TTC34: variants seen among roughly 807,000 people sequenced by gnomAD.
TTC34 encodes tetratricopeptide repeat domain 34.
A neutral mutation model predicts 40.7 loss-of-function variants in TTC34; 44 were observed. The observed-to-expected ratio is 1.08, with a 90% CI of 0.85 to 1.39. The LOEUF (loss-of-function observed/expected upper bound fraction) is 1.39. Ranked by LOEUF, TTC34 falls within the 40% of genes most tolerant of loss-of-function variation. TTC34 has a pLI of 0.00. For synonymous variants in TTC34, 422 were observed against 398.6 expected, an observed-to-expected ratio of 1.06 and a Z score of -0.70; for missense variants, 884 against 838.0, an observed-to-expected ratio of 1.05 and a Z score of -0.68.
chr1:2,699,460 G>T (rs1641026381), intron 6 of TTC34, among the ~76,000 whole-genome samples: 1 of 116,328 alleles, frequency 8.6e-6, no homozygotes, highest in Non-Finnish European at 2.0e-5. Flanking sequence ...GCACCCACAG[G>T]CGAGCATCTG....
rs1254147359 is a variant in TTC34, at chr1:2,789,536, G to C, written c.1595C>G (p.Ala532Gly). 7.3e-6 allele frequency: 11 copies of C among 1,501,200 alleles called. No homozygotes were observed. The African/African-American group carries it at 8.6e-5, about 12-fold the overall frequency. 93.0% of individuals were successfully genotyped at this position (1,501,200 alleles called of 1,614,324 possible). Residue 532 changes from alanine (A) to glycine (G), a missense_variant, in exon 3 of 9, where the codon GCC becomes GGC. By Grantham distance (60) the Ala-to-Gly change is moderately conservative. Transcript: ENST00000401095. ...CGTGGTGGGGCCGCCCGTCTCTGCG[G>C]CCTCCCTCCGGCCCTGCGCTCTGGA... is the stretch of plus-strand genomic sequence containing the variant.
At chr1:2,769,609 C>G (rs1206661878) in intron 6 of TTC34, among the ~76,000 whole-genome samples, 23 of 129,268 alleles carry the variant, frequency 1.8e-4, no homozygotes, top group African/African-American at 6.5e-4. Context: ...GAGCATCTGA[C>G]AGCCTGGAAC....
intron 6 of TTC34, among the ~76,000 whole-genome samples, chr1:2,649,352 G>A (rs912576137): frequency 2.6e-5 from 4 of 151,800 alleles, no homozygotes; most frequent in Non-Finnish European, 4.4e-5. Context: ...GCCTAGAACG[G>A]CACCCCCCAG....
Position 2,796,446 on chromosome 1 carries a change from AC to A in TTC34, c.784+3597del, listed in dbSNP as rs1261591704. On this transcript the variant is annotated intron_variant, in intron 2 of 8. Transcript: ENST00000401095. The surrounding 1 kb of genome is among the most constrained non-coding windows in gnomAD (Gnocchi z 4.5). ...GAAGTGACTTGGGTCTAATGGATGC[AC>A]AATTCTTAGGGCAGGTGTTCCCTGT... Among the ~76,000 whole-genome samples the A allele has an allele frequency of 6.6e-6, 1 of 152,162 alleles. No individual in the cohort carries two copies. Among genetic ancestry groups the A allele is most frequent in the African/African-American group, 2.4e-5 (1 of 41,432 alleles).
intron 6 of TTC34, among the ~76,000 whole-genome samples, chr1:2,684,294 C>T (rs1473318587): frequency 6.9e-6 from 1 of 145,374 alleles, no homozygotes; most frequent in Non-Finnish European, 1.5e-5. Flanking sequence ...AAGCATATGA[C>T]AGCCTGGGTC....
chr1:2,772,912 T>G (rs1264850688), intron 6 of TTC34, among the ~76,000 whole-genome samples: 1 of 64,846 alleles, frequency 1.5e-5, no homozygotes. Flanking sequence ...AGGTGAGCAT[T>G]CGACAGCCTG....
At chr1:2,750,425 G>C (rs1184188392) in intron 6 of TTC34, among the ~76,000 whole-genome samples, 1 of 98,850 alleles carries the variant, frequency 1.0e-5, no homozygotes, top group African/African-American at 4.7e-5. Context: ...GCACGTGACA[G>C]CCTGTAACAG....
chr1:2,787,415 G>T, intron 4 of TTC34, 66 bp downstream of exon 4: 1 of 1,378,402 alleles, frequency 7.3e-7, no homozygotes, highest in Non-Finnish European at 9.6e-7. Flanking sequence ...GCCACGGGAG[G>T]CCTGTGCCCT....
intron 6 of TTC34, among the ~76,000 whole-genome samples, chr1:2,783,344 C>A (rs1280093084): frequency 6.6e-6 from 1 of 152,238 alleles, no homozygotes; most frequent in African/African-American, 2.4e-5. Flanking sequence ...CTGGGGAGGA[C>A]CCCTAGTACC....
chr1:2,682,626 C>T (rs1199780581), intron 6 of TTC34, among the ~76,000 whole-genome samples: 1 of 145,282 alleles, frequency 6.9e-6, no homozygotes. Flanking sequence ...GCAGCACCCA[C>T]GCCCCCAGGC....
At chr1:2,795,105 G>T (rs1643699587) in intron 2 of TTC34, among the ~76,000 whole-genome samples, 1 of 150,454 alleles carries the variant, frequency 6.6e-6, no homozygotes, top group South Asian at 2.1e-4. Flanking sequence ...AAAAAAATTA[G>T]CCAGTTGTGA....
intron 6 of TTC34, among the ~76,000 whole-genome samples, chr1:2,752,895 C>G (rs1486057080): frequency 2.2e-5 from 3 of 138,894 alleles, no homozygotes; most frequent in East Asian, 4.4e-4. Flanking sequence ...GCACCCACAC[C>G]CCCAGGTGAG....
intron 6 of TTC34, among the ~76,000 whole-genome samples, chr1:2,695,393 T>C (rs1347991546): frequency 0.24 from 1,627 of 6,770 alleles, no homozygotes; most frequent in Non-Finnish European, 0.28. Context: ...GCAGCACCCA[T>C]ACCCCCAGGT....
intron 6 of TTC34, among the ~76,000 whole-genome samples, chr1:2,688,044 C>T (rs564228145): frequency 7.2e-6 from 1 of 139,754 alleles, no homozygotes. Context: ...ACAGCACCCA[C>T]ACCCCCAGGT....
intron 6 of TTC34, among the ~76,000 whole-genome samples, chr1:2,772,878 C>T (rs1244604227): frequency 3.1e-5 from 3 of 96,026 alleles, no homozygotes; most frequent in Admixed American, 1.0e-4. Context: ...CATCTGACAG[C>T]CTGGAGCAGA....
intron 6 of TTC34, among the ~76,000 whole-genome samples, chr1:2,753,023 GA>G (rs1641376391): frequency 1.3e-5 from 2 of 151,426 alleles, no homozygotes; most frequent in African/African-American, 4.9e-5. Context: ...ACCTCCAGGT[GA>G]GCATCCGACA....
intron 6 of TTC34, among the ~76,000 whole-genome samples, chr1:2,655,484 G>A (rs1372222838): frequency 1.8e-4 from 27 of 151,030 alleles, no homozygotes; most frequent in African/African-American, 5.9e-4. Context: ...TCCTGGAACA[G>A]CACCCACACC....
rs1176888276 is a variant in TTC34, at chr1:2,767,644, A to C, written c.2226+15965T>G. On this transcript the variant is annotated intron_variant, in intron 6 of 8. Transcript: ENST00000401095. ...TGACTGTATGGAATGACATCCTCAC[A>C]TCCAGGTGAGCATCCGACAGCGTGG... 6.9e-4 allele frequency among the ~76,000 whole-genome samples: 59 copies of C among 85,270 alleles called. 2 individuals are homozygous for C. The highest frequency in any genetic ancestry group is 6.4e-3 in the East Asian group (18 of 2,802). 55.9% of individuals were successfully genotyped at this position (85,270 alleles called of 152,430 possible). A position where few individuals can be genotyped will look rare whatever the true frequency, so the allele number is the denominator to read the frequency against.
chr1:2,801,039 C>T (rs1290663190), intron 1 of TTC34, among the ~76,000 whole-genome samples, 171 bp from the exon 2 acceptor site: 1 of 152,142 alleles, frequency 6.6e-6, no homozygotes, highest in Non-Finnish European at 1.5e-5. Flanking sequence ...GTGGGGCCTA[C>T]CAGGTGTCCC....
Sources: gnomAD v4.1 joint callset for allele counts (sites outside exome capture counted in the v4.1 genomes callset) on GRCh38, gnomAD v4.1.1 for gene constraint, Gnocchi (gnomAD v3.1) non-coding constraint, MANE v1.5 for transcripts, NCBI Gene and HGNC (gene_info 2026-07-23, HGNC 2026-07-21) for gene names.